TXNDC16: variants seen among roughly 807,000 people sequenced by gnomAD.
The protein encoded by TXNDC16 is thioredoxin domain containing 16, also known as thioredoxin domain-containing protein 16.
In TXNDC16, 74 loss-of-function variants were observed where a neutral mutation model predicts 85.6. That is an observed-to-expected ratio of 0.86 (90% CI 0.72 to 1.05). The LOEUF (loss-of-function observed/expected upper bound fraction) is 1.05. TXNDC16 is among the 50% of genes least tolerant of loss of function. The pLI is 0.00. For missense variants in TXNDC16, 959 were observed against 947.0 expected, an observed-to-expected ratio of 1.01 and a Z score of -0.17; for synonymous variants, 335 against 326.5, an observed-to-expected ratio of 1.03 and a Z score of -0.28.
rs1465686375 is a variant in TXNDC16, at chr14:52,470,017, A to T, written c.1618+20T>A. On this transcript the variant is annotated intron_variant, in intron 16 of 20. Coordinates refer to ENST00000281741, the MANE Select transcript of TXNDC16 (RefSeq NM_020784.3). ...AATGATATACTCTACTGTATAATTTAAAAGCTCAGCTCTGCTTACCTGTTT... is the reference window on the plus strand; with the variant it reads ...AATGATATACTCTACTGTATAATTTTAAAGCTCAGCTCTGCTTACCTGTTT... 6.3e-7 allele frequency: 1 copy of T among 1,591,332 alleles called. No individual in the cohort carries two copies. Among genetic ancestry groups the T allele is most frequent in the African/African-American group, 1.4e-5 (1 of 73,658 alleles).
intron 16 of TXNDC16, among the ~76,000 whole-genome samples, chr14:52,462,248 A>T (rs2035669245): frequency 6.6e-6 from 1 of 151,992 alleles, no homozygotes; most frequent in Non-Finnish European, 1.5e-5. Context: ...TTTTTTAGAG[A>T]CACAGTCTTC....
intron 7 of TXNDC16, among the ~76,000 whole-genome samples, chr14:52,518,536 C>T (rs1487038792): frequency 6.6e-6 from 1 of 152,156 alleles, no homozygotes; most frequent in African/African-American, 2.4e-5. Flanking sequence ...AGCTTTACTT[C>T]CCAAACACTG....
chr14:52,481,494 A>G (rs2036150115), intron 14 of TXNDC16, among the ~76,000 whole-genome samples: 1 of 152,210 alleles, frequency 6.6e-6, no homozygotes, highest in Non-Finnish European at 1.5e-5. Flanking sequence ...ATGAAACTCT[A>G]TTATTCATTT....
At position 52,519,290 on chromosome 14, in the gene TXNDC16, A is replaced by G. The variant is rs773389695; in HGVS notation, c.396T>C (p.Ala132=). 4.4e-6 allele frequency: 7 copies of G among 1,590,044 alleles called. No individual in the cohort carries two copies. The highest frequency in any genetic ancestry group is 5.2e-6 in the Non-Finnish European group (6 of 1,163,170). ...VNAIVAHVLF[A]LLFSEVKYIT... is the part of the protein sequence containing the mutation. ...TATATTTCACTTCACTAAAAAGAAG[A>G]GCACTGAAATAAATACAGATATAAT... The change falls in exon 7 of 21, where the codon GCT becomes GCC. Residue 132 remains alanine (A), a synonymous_variant. Transcript: ENST00000281741.
In TXNDC16 at chr14:52,542,597, C is replaced by T. The variant is rs2037855848; in HGVS notation, c.161-144G>A. 7 of 515,474 alleles carry T rather than the reference C, an allele frequency of 1.4e-5. No individual in the cohort carries two copies. In the Middle Eastern group the frequency reaches 2.1e-3, roughly 152 times the overall value. 31.9% of individuals were successfully genotyped at this position (515,474 alleles called of 1,614,324 possible). On this transcript the variant is annotated intron_variant, in intron 3 of 20. Coordinates refer to ENST00000281741, the MANE Select transcript of TXNDC16 (RefSeq NM_020784.3). Reference sequence around the variant, plus strand: ...CATATCTCATTACATATTTTCACACCCTTATTTTACTATTGCCTCATTATT... The same window carrying T: ...CATATCTCATTACATATTTTCACACTCTTATTTTACTATTGCCTCATTATT...
chr14:52,455,299 C>A, intron 18 of TXNDC16, 25 bp downstream of exon 18: 1 of 1,611,136 alleles, frequency 6.2e-7, no homozygotes, highest in Non-Finnish European at 8.5e-7. Context: ...TTTCAAGTAT[C>A]ACCCTTATTA....
chr14:52,510,556 T>C (rs1357091123), intron 9 of TXNDC16, among the ~76,000 whole-genome samples: 1 of 152,210 alleles, frequency 6.6e-6, no homozygotes, highest in African/African-American at 2.4e-5. Context: ...TCATCTAAAT[T>C]AACTTCTGAG....
chr14:52,510,593 C>T (rs548657539), intron 9 of TXNDC16, among the ~76,000 whole-genome samples: 1 of 152,300 alleles, frequency 6.6e-6, no homozygotes, highest in East Asian at 1.9e-4. Context: ...CTTCTTAAAA[C>T]TTTTCCTTCA....
At chr14:52,456,550 T>C (rs10132748) in intron 17 of TXNDC16, among the ~76,000 whole-genome samples, 5,184 of 152,232 alleles carry the variant, frequency 0.034, 258 homozygotes, top group African/African-American at 0.12. Flanking sequence ...AGTACACCTA[T>C]ACCTGAAAAT....
At chr14:52,482,799 G>C (rs1418174469) in intron 13 of TXNDC16, 23 bp downstream of exon 13, 8 of 1,565,578 alleles carry the variant, frequency 5.1e-6, no homozygotes, top group South Asian at 1.2e-5. Flanking sequence ...ATATGTAACA[G>C]TCCTCTAAAG....
chr14:52,457,189 A>G lies in TXNDC16; in HGVS notation c.1619-15T>C. 2 of 1,476,062 alleles carry G rather than the reference A, an allele frequency of 1.4e-6. No homozygotes were observed. The highest frequency in any genetic ancestry group is 1.8e-6 in the Non-Finnish European group (2 of 1,083,784). 91.4% of individuals were successfully genotyped at this position (1,476,062 alleles called of 1,614,324 possible). A position where few individuals can be genotyped will look rare whatever the true frequency, so the allele number is the denominator to read the frequency against. On this transcript the variant is annotated splice_polypyrimidine_tract_variant and intron_variant, in intron 16 of 20. Coordinates refer to ENST00000281741, the MANE Select transcript of TXNDC16 (RefSeq NM_020784.3). ...ATCTTCTTTTGCTATAAATACATAG[A>G]GAAGACAAAAATCTGAAACCTTTAT...
Position 52,543,418 on chromosome 14 carries a change from A to G in TXNDC16, c.140T>C (p.Leu47Ser). The change falls in exon 3 of 21, where the codon TTA (leucine) becomes TCA (serine). Residue 47 changes from leucine to serine, a missense_variant. Leu to Ser is a moderately radical substitution (Grantham distance 145). Coordinates refer to ENST00000281741, the MANE Select transcript of TXNDC16 (RefSeq NM_020784.3). Reference sequence around the variant, plus strand: ...CTTACCAGCTTGACAAAAATAAGCTAAAGAGGCTTTTCCTGGTTGCAATGT... The same window carrying G: ...CTTACCAGCTTGACAAAAATAAGCTGAAGAGGCTTTTCCTGGTTGCAATGT... ...FSTLQPGKAS[L>S]AYFCQADSPR... The G allele has an allele frequency of 6.2e-7, 1 of 1,610,034 alleles. No individual in the cohort carries two copies. The highest frequency in any genetic ancestry group is 8.5e-7 in the Non-Finnish European group (1 of 1,178,810).
At chr14:52,542,518 CAA>C in intron 3 of TXNDC16, 65 bp from the exon 4 acceptor site, 1 of 1,126,166 alleles carries the variant, frequency 8.9e-7, no homozygotes, top group Non-Finnish European at 1.3e-6. Context: ...TTAAAATCTG[CAA>C]ACACAGAATA....
intron 6 of TXNDC16, among the ~76,000 whole-genome samples, chr14:52,532,275 A>C (rs2037598548): frequency 6.6e-6 from 1 of 152,092 alleles, no homozygotes; most frequent in Non-Finnish European, 1.5e-5. Flanking sequence ...CTGAGGTGGG[A>C]GGATCCCTTC....
intron 6 of TXNDC16, among the ~76,000 whole-genome samples, chr14:52,528,370 C>A (rs976529956): frequency 6.6e-6 from 1 of 152,026 alleles, no homozygotes; most frequent in African/African-American, 2.4e-5. Context: ...TGAGAACAAT[C>A]CAAACATCTG....
intron 17 of TXNDC16, 64 bp from the exon 18 acceptor site, chr14:52,455,526 T>C (rs1483277824): frequency 6.3e-7 from 1 of 1,594,226 alleles, no homozygotes; most frequent in African/African-American, 1.3e-5. Flanking sequence ...CATGAAAATC[T>C]AGGCTAGGAG....
chr14:52,439,277 T>C lies in TXNDC16; in HGVS notation c.2121A>G (p.Ser707=). 6.2e-7 allele frequency: 1 copy of C among 1,614,116 alleles called. No individual in the cohort carries two copies. Among genetic ancestry groups the C allele is most frequent in the East Asian group, 2.2e-5 (1 of 44,874 alleles). Residue 707 remains serine, a synonymous_variant, in exon 20 of 21, where the codon TCA becomes TCG. Transcript: ENST00000281741. The part of the protein sequence containing the change: ...HSGGQVFAFP[S]DQAIIEENLV... ...GGTTTTCTTCAATTATAGCCTGGTC[T>C]GAAGGAAATGCAAATACTTGGCCAC...
At chr14:52,522,315 T>G (rs2037229032) in intron 6 of TXNDC16, among the ~76,000 whole-genome samples, 1 of 152,244 alleles carries the variant, frequency 6.6e-6, no homozygotes, top group African/African-American at 2.4e-5. Context: ...TACTAAGCAC[T>G]TTATAAATAG....
intron 1 of TXNDC16, among the ~76,000 whole-genome samples, chr14:52,550,512 C>T (rs887308458): frequency 1.3e-4 from 20 of 152,168 alleles, no homozygotes; most frequent in African/African-American, 4.6e-4. Flanking sequence ...TCTAAACACA[C>T]ACTCCCATCC....
Sources: allele counts gnomAD v4.1 joint callset (sites outside exome capture counted in the v4.1 genomes callset), GRCh38; gene constraint gnomAD v4.1.1; transcripts MANE v1.5; gene names NCBI Gene and HGNC (gene_info 2026-07-23, HGNC 2026-07-21).